PPARGC1A: variants seen among roughly 807,000 people sequenced by gnomAD.
PPARGC1A encodes peroxisome proliferator-activated receptor gamma coactivator 1-alpha.
A neutral mutation model predicts 88.7 loss-of-function variants in PPARGC1A; 25 were observed. That is an observed-to-expected ratio of 0.28 (90% CI 0.21 to 0.39). The LOEUF is 0.39. Among genes scored for constraint, PPARGC1A ranks in the 10% least tolerant of loss-of-function variants. The probability of loss-of-function intolerance (pLI) is 1.00; values close to 1 mark genes in which losing one functional copy is unlikely to be tolerated. For synonymous variants in PPARGC1A, 363 were observed against 355.6 expected, an observed-to-expected ratio of 1.02 and a Z score of -0.24; for missense variants, 880 against 968.7, an observed-to-expected ratio of 0.91 and a Z score of 1.22.
At chr4:24,248,706 A>G in the PPARGC1A span, among the ~76,000 whole-genome samples, 1 of 152,124 alleles carries the variant, frequency 6.6e-6, no homozygotes, top group Non-Finnish European at 1.5e-5. Context: ...TACCTACATC[A>G]TGGGCACAGC....
At chr4:24,100,716 G>T in the PPARGC1A span, among the ~76,000 whole-genome samples, 1 of 152,064 alleles carries the variant, frequency 6.6e-6, no homozygotes, top group Non-Finnish European at 1.5e-5. Context: ...ATGAAAACCA[G>T]GTTAAAGCAA....
At chr4:23,884,509 T>C (rs1342069578) in intron 2 of PPARGC1A, 1 of 428,012 alleles carries the variant, frequency 2.3e-6, no homozygotes. Context: ...ACAGTTTAAC[T>C]CACTCACAGT....
At chr4:23,886,856 T>TA (rs11332760) in intron 1 of PPARGC1A, among the ~76,000 whole-genome samples, 4,279 of 136,280 alleles carry the variant, frequency 0.031, 136 homozygotes, top group African/African-American at 0.094. Flanking sequence ...GCATAGTCTT[T>TA]AAAAAAAAAA....
At chr4:24,018,977 G>T in the PPARGC1A span, among the ~76,000 whole-genome samples, 178 of 152,250 alleles carry the variant, frequency 1.2e-3, 1 homozygote, top group Middle Eastern at 6.8e-3. Context: ...TTTTCTATGT[G>T]TGAGTATATA....
the PPARGC1A span, among the ~76,000 whole-genome samples, chr4:24,109,421 G>A: frequency 6.6e-6 from 1 of 151,932 alleles, no homozygotes; most frequent in Non-Finnish European, 1.5e-5. Flanking sequence ...AGGAGGCTTA[G>A]CATTATTTTT....
the PPARGC1A span, among the ~76,000 whole-genome samples, chr4:24,371,669 G>A: frequency 9.9e-5 from 15 of 151,906 alleles, no homozygotes; most frequent in Non-Finnish European, 2.2e-4. Flanking sequence ...GGCAGGGCGC[G>A]GTGGCTCATG....
At chr4:24,287,665 C>CACACACACACACACA in the PPARGC1A span, among the ~76,000 whole-genome samples, 1 of 151,224 alleles carries the variant, frequency 6.6e-6, no homozygotes, top group African/African-American at 2.4e-5. Context: ...CACACACACA[C>CACACACACACACACA]AACTGCACTC....
intron 2 of PPARGC1A, among the ~76,000 whole-genome samples, chr4:23,870,532 C>A (rs1713079999): frequency 1.3e-5 from 2 of 152,156 alleles, no homozygotes; most frequent in African/African-American, 4.8e-5. Flanking sequence ...ATTTTCTAAA[C>A]CATTTCTTCA....
chr4:23,971,035 C>T, the PPARGC1A span, among the ~76,000 whole-genome samples: 7 of 152,184 alleles, frequency 4.6e-5, no homozygotes, highest in South Asian at 1.4e-3. Context: ...ATCTGCCAGA[C>T]CTTTCAACAT....
the PPARGC1A span, among the ~76,000 whole-genome samples, chr4:24,412,639 G>C: frequency 6.6e-6 from 1 of 152,024 alleles, no homozygotes; most frequent in Non-Finnish European, 1.5e-5. Flanking sequence ...CACCATCATG[G>C]CCAGCTAATT....
chr4:24,320,932 C>T, the PPARGC1A span, among the ~76,000 whole-genome samples: 1 of 152,188 alleles, frequency 6.6e-6, no homozygotes, highest in Admixed American at 6.5e-5. Flanking sequence ...AATGACTAAA[C>T]TATTTTGGCA....
the PPARGC1A span, among the ~76,000 whole-genome samples, chr4:24,123,417 A>G: frequency 6.6e-6 from 1 of 152,090 alleles, no homozygotes; most frequent in African/African-American, 2.4e-5. Context: ...GAACCCACAC[A>G]TTGCATCTTG....
upstream of PPARGC1A, among the ~76,000 whole-genome samples, chr4:23,893,369 G>A (rs1718130359): frequency 6.6e-6 from 1 of 152,024 alleles, no homozygotes; most frequent in Non-Finnish European, 1.5e-5. Flanking sequence ...AAACCTCAGA[G>A]AATAGCAAAA....
chr4:24,200,135 A>G, the PPARGC1A span, among the ~76,000 whole-genome samples: 1 of 152,178 alleles, frequency 6.6e-6, no homozygotes, highest in Non-Finnish European at 1.5e-5. Context: ...TAATGAGAGA[A>G]GAGAGCAAGT....
At chr4:24,194,853 A>G in the PPARGC1A span, among the ~76,000 whole-genome samples, 1 of 152,196 alleles carries the variant, frequency 6.6e-6, no homozygotes, top group Non-Finnish European at 1.5e-5. Context: ...ACAACTAAAT[A>G]TCAACCAACC....
the PPARGC1A span, among the ~76,000 whole-genome samples, chr4:23,911,219 C>T: frequency 1.1e-4 from 17 of 152,294 alleles, no homozygotes; most frequent in South Asian, 3.5e-3. Context: ...TTCCTCCCCC[C>T]TCCCCTACTT....
At chr4:23,997,867 A>T in the PPARGC1A span, among the ~76,000 whole-genome samples, 1 of 152,066 alleles carries the variant, frequency 6.6e-6, no homozygotes, top group African/African-American at 2.4e-5. Flanking sequence ...TTAATATTGA[A>T]CTTGCAAGTA....
chr4:24,431,145 GAAAAAA>G, the PPARGC1A span, among the ~76,000 whole-genome samples: 4 of 131,974 alleles, frequency 3.0e-5, no homozygotes, highest in Non-Finnish European at 4.9e-5. Context: ...AAAAAAAAGA[GAAAAAA>G]AAAAGAAAAA....
chr4:24,250,069 G>A, the PPARGC1A span, among the ~76,000 whole-genome samples: 14 of 152,192 alleles, frequency 9.2e-5, no homozygotes, highest in Admixed American at 8.5e-4. Flanking sequence ...TCCTCAGGAT[G>A]AGACAGTGGA....
Sources: allele counts gnomAD v4.1 joint callset (sites outside exome capture counted in the v4.1 genomes callset), GRCh38; gene constraint gnomAD v4.1.1; transcripts MANE v1.5; gene names NCBI Gene and HGNC (gene_info 2026-07-23, HGNC 2026-07-21).